RHPN1: variants seen among roughly 807,000 people sequenced by gnomAD.
RHPN1 encodes the protein rhophilin Rho GTPase binding protein 1, also known as rhophilin-1.
Under a neutral mutation model 74.7 loss-of-function variants are expected in RHPN1, and 77 were observed. The observed-to-expected ratio is 1.03, with a 90% CI of 0.86 to 1.25. The LOEUF (loss-of-function observed/expected upper bound fraction) is 1.25. Among genes scored for constraint, RHPN1 ranks in the 50% most tolerant of loss-of-function variants. The pLI, the probability that RHPN1 is intolerant of heterozygous loss-of-function variation, is 0.00. For synonymous variants in RHPN1, 444 were observed against 414.5 expected (o/e 1.07, Z -0.87); for missense variants, 987 against 932.2 (o/e 1.06, Z -0.77).
intron 14 of RHPN1, 30 bp downstream of exon 14, chr8:143,381,998 C>T (rs1470533924): frequency 6.5e-7 from 1 of 1,540,176 alleles, no homozygotes; most frequent in Non-Finnish European, 8.7e-7. Context: ...GAGGGGCGGT[C>T]CCCAGCTTGC....
At chr8:143,367,933 CG>C (rs1817595224), upstream of RHPN1, 1 of 152,302 alleles carries the variant, frequency 6.6e-6, no homozygotes, top group African/African-American at 2.4e-5. Context: ...CACACACAGC[CG>C]GGTGAGCCCC....
Position 143,378,820 on chromosome 8 carries a change from G to T in RHPN1, c.584G>T (p.Trp195Leu). The change falls in exon 6 of 15, where the codon TGG (tryptophan) becomes TTG (leucine). Residue 195 changes from tryptophan (W) to leucine (L), a missense_variant and splice_region_variant. Transcript: ENST00000289013. ...PARSLGLFFH[W>L]YDSLTGVPAQ... ...AGGAGCCTCGGGCTCTTCTTCCACTGGTAGGGGCTCTGCGGGCGGAGGCAC... is the reference window on the plus strand; with the variant it reads ...AGGAGCCTCGGGCTCTTCTTCCACTTGTAGGGGCTCTGCGGGCGGAGGCAC... The T allele has an allele frequency of 6.4e-7, 1 of 1,565,074 alleles. No homozygotes were observed.
chr8:143,366,564 C>G (rs973919901), upstream of RHPN1: 5 of 151,100 alleles, frequency 3.3e-5, no homozygotes, highest in Admixed American at 2.0e-4. Flanking sequence ...CACACACACG[C>G]ACACGCACAC....
Position 143,380,222 on chromosome 8 carries a change from A to G in RHPN1, c.1216+47A>G, listed in dbSNP as rs1327421550. The G allele has an allele frequency of 6.8e-6, 9 of 1,321,140 alleles. No homozygotes were observed. The East Asian group carries it at 1.3e-4, about 19-fold the overall frequency. 81.8% of individuals were successfully genotyped at this position (1,321,140 alleles called of 1,614,324 possible). On this transcript the variant is annotated intron_variant, in intron 10 of 14. Coordinates refer to ENST00000289013, the MANE Select transcript of RHPN1 (RefSeq NM_052924.3). Reference sequence around the variant, plus strand: ...TGCCCTGGGGCTCAGATGGTCACCAACGGTGGCAGGGTGTCCCCCACCACC... The same window carrying G: ...TGCCCTGGGGCTCAGATGGTCACCAGCGGTGGCAGGGTGTCCCCCACCACC...
At chr8:143,379,792 T>C (rs759562947) in intron 8 of RHPN1, 37 bp from the exon 9 acceptor site, 47 of 1,578,230 alleles carry the variant, frequency 3.0e-5, no homozygotes, top group Non-Finnish European at 4.0e-5. Context: ...ACCTGGAGAG[T>C]GGGAGGCCCT....
chr8:143,382,648 G>C lies in RHPN1; in HGVS notation c.2010G>C (p.Pro670=), dbSNP rs1469566006. The C allele has an allele frequency of 1.2e-6, 2 of 1,607,886 alleles. No homozygotes were observed. The highest frequency in any genetic ancestry group is 1.3e-5 in the African/African-American group (1 of 74,838). Residue 670 remains proline, a synonymous_variant, in exon 15 of 15, where the codon CCG becomes CCC. Coordinates refer to ENST00000289013, the MANE Select transcript of RHPN1 (RefSeq NM_052924.3). ...CATCCTTGAAGCACCCAGGGTGGCC[G>C]TGAGGGCCAGGATCCCTGCACGCCT... is the stretch of plus-strand genomic sequence containing the variant. ...PPSSLKHPGW[P]
In RHPN1 at chr8:143,379,469, C is replaced by T. The variant is rs760379304; in HGVS notation, c.906C>T (p.Asp302=). 3.8e-6 allele frequency: 6 copies of T among 1,568,022 alleles called. No individual in the cohort carries two copies. In the East Asian group the frequency reaches 9.5e-5, roughly 25 times the overall value. The change falls in exon 8 of 15, where the codon GAC becomes GAT. Residue 302 remains aspartate (D), a synonymous_variant. Coordinates refer to ENST00000289013, the MANE Select transcript of RHPN1 (RefSeq NM_052924.3). ...CACCTGCCTCCATGGCCCCCCAAGA[C>T]TGCCTGGCCCAGCTGCGCCTGGCGC... ...LSPPASMAPQ[D]CLAQLRLAQE... is the part of the protein sequence containing the mutation.
chr8:143,378,494 A>G (rs1009894215), intron 5 of RHPN1, 148 bp downstream of exon 5: 31 of 1,006,356 alleles, frequency 3.1e-5, no homozygotes, highest in Non-Finnish European at 4.1e-5. Context: ...CTGTGTGTCC[A>G]GACCCAGCCA....
rs1490606916 is a variant in RHPN1 at position 143,383,194 on chromosome 8, C to CGGGGA, written c.*543_*544insGGGGA. On this transcript the variant is annotated 3_prime_UTR_variant, in exon 15 of 15. Transcript: ENST00000289013. ...TCCTGTCTGTGCACAGAGCAAGGGA[C>CGGGGA]TCCCCACCTCTGCGCCCTGTGCTGG... The CGGGGA allele has an allele frequency of 6.3e-6, 1 of 157,620 alleles. No individual in the cohort carries two copies. The highest frequency in any genetic ancestry group is 2.6e-5 in the African/African-American group (1 of 38,248). 9.8% of individuals were successfully genotyped at this position (157,620 alleles called of 1,614,324 possible). A position where few individuals can be genotyped will look rare whatever the true frequency, so the allele number is the denominator to read the frequency against.
intron 1 of RHPN1, among the ~76,000 whole-genome samples, chr8:143,369,754 C>T (rs1463484786): frequency 2.6e-5 from 4 of 152,240 alleles, no homozygotes; most frequent in Non-Finnish European, 5.9e-5. Context: ...ACGCCCGCCA[C>T]GGGCTTTCAG....
At position 143,381,353 on chromosome 8, in the gene RHPN1, A is replaced by G. The variant is rs1351888358; in HGVS notation, c.1488+9A>G. ...ACATCTTCCATCGGCTGGTGAGCACACCCGTCCCCAGGCACCGCCCAGCAT... is the reference window on the plus strand; with the variant it reads ...ACATCTTCCATCGGCTGGTGAGCACGCCCGTCCCCAGGCACCGCCCAGCAT... On this transcript the variant is annotated intron_variant, in intron 12 of 14. Transcript: ENST00000289013. 6.2e-7 allele frequency: 1 copy of G among 1,602,420 alleles called. No individual in the cohort carries two copies. The highest frequency in any genetic ancestry group is 8.5e-7 in the Non-Finnish European group (1 of 1,175,088).
intron 2 of RHPN1, 21 bp downstream of exon 2, chr8:143,375,689 G>C: frequency 6.4e-7 from 1 of 1,567,320 alleles, no homozygotes; most frequent in Non-Finnish European, 8.7e-7. Context: ...GAGACTGCCC[G>C]GCCCCGGGAG....
intron 1 of RHPN1, among the ~76,000 whole-genome samples, chr8:143,375,078 TA>T (rs956466238): frequency 6.6e-6 from 1 of 152,132 alleles, no homozygotes; most frequent in African/African-American, 2.4e-5. Context: ...AGCCCACGCC[TA>T]AACCCACATG....
At chr8:143,370,276 C>T (rs540950858) in intron 1 of RHPN1, among the ~76,000 whole-genome samples, 43 of 152,304 alleles carry the variant, frequency 2.8e-4, no homozygotes, top group African/African-American at 8.9e-4. Flanking sequence ...TCCAGGCTGC[C>T]GTGTCTCTCA....
intron 1 of RHPN1, among the ~76,000 whole-genome samples, chr8:143,369,264 G>A (rs1286921656): frequency 1.3e-5 from 2 of 152,182 alleles, no homozygotes; most frequent in Admixed American, 6.5e-5. Context: ...GACAGCCAAA[G>A]TCTGGATCAT....
chr8:143,378,214 G>A, intron 4 of RHPN1, 55 bp from the exon 5 acceptor site: 1 of 1,448,116 alleles, frequency 6.9e-7, no homozygotes, highest in Non-Finnish European at 9.5e-7. Flanking sequence ...GGAGACCTCA[G>A]GGAAGGAGGC....
At chr8:143,377,844 G>T (rs1253057255) in intron 4 of RHPN1, among the ~76,000 whole-genome samples, 1 of 152,208 alleles carries the variant, frequency 6.6e-6, no homozygotes, top group Non-Finnish European at 1.5e-5. Flanking sequence ...GGGTCCTGGG[G>T]AGAGCTAGAA....
chr8:143,379,766 G>C, intron 8 of RHPN1, 63 bp from the exon 9 acceptor site: 1 of 1,537,364 alleles, frequency 6.5e-7, no homozygotes, highest in South Asian at 1.2e-5. Flanking sequence ...AGGCTGGGTA[G>C]GGAGAAGCAG....
intron 1 of RHPN1, among the ~76,000 whole-genome samples, chr8:143,370,998 G>C (rs375864188): frequency 7.2e-5 from 11 of 152,146 alleles, no homozygotes; most frequent in African/African-American, 2.7e-4. Flanking sequence ...AGGTTCCCCA[G>C]CCTGGCTGGA....
Sources: gnomAD v4.1 joint callset for allele counts (sites outside exome capture counted in the v4.1 genomes callset) on GRCh38, gnomAD v4.1.1 for gene constraint, MANE v1.5 for transcripts, NCBI Gene and HGNC (gene_info 2026-07-23, HGNC 2026-07-21) for gene names.